ZNF892: variants seen among roughly 807,000 people sequenced by gnomAD.
ZNF892 encodes the protein zinc finger protein 570-like.
the ZNF892 span, among the ~76,000 whole-genome samples, chr2:95,258,730 G>A: frequency 8.5e-5 from 13 of 152,134 alleles, no homozygotes. Flanking sequence ...ACCTCTCCCA[G>A]GGCCCCGTCC....
chr2:95,220,006 A>AC, the ZNF892 span, among the ~76,000 whole-genome samples: 2 of 151,844 alleles, frequency 1.3e-5, no homozygotes, highest in African/African-American at 2.4e-5. Context: ...ATAAGTCCTG[A>AC]CCCCCCACTT....
chr2:95,209,537 C>T, the ZNF892 span, among the ~76,000 whole-genome samples: 16 of 152,194 alleles, frequency 1.1e-4, no homozygotes, highest in Admixed American at 9.8e-4. Context: ...GGGAGATTGG[C>T]AGACCCCTTG....
At chr2:95,216,594 T>C in the ZNF892 span, among the ~76,000 whole-genome samples, 3 of 152,226 alleles carry the variant, frequency 2.0e-5, no homozygotes, top group African/African-American at 7.2e-5. Context: ...CATTTTACTC[T>C]TGGGTAGAGG....
At chr2:95,208,289 C>A in the ZNF892 span, among the ~76,000 whole-genome samples, 1 of 152,060 alleles carries the variant, frequency 6.6e-6, no homozygotes, top group African/African-American at 2.4e-5. Context: ...AGTCAGTGTT[C>A]AAAAAGAATT....
chr2:95,230,882 C>G, the ZNF892 span, among the ~76,000 whole-genome samples: 2 of 152,198 alleles, frequency 1.3e-5, no homozygotes, highest in Non-Finnish European at 2.9e-5. Context: ...CCACTTCACC[C>G]AGTGCTGACA....
chr2:95,227,348 G>A, the ZNF892 span, among the ~76,000 whole-genome samples: 12 of 152,024 alleles, frequency 7.9e-5, no homozygotes, highest in Middle Eastern at 6.8e-3. Context: ...TTTTGAGGCA[G>A]AGTTTCACTC....
chr2:95,218,511 G>A, the ZNF892 span, among the ~76,000 whole-genome samples: 1 of 152,050 alleles, frequency 6.6e-6, no homozygotes, highest in South Asian at 2.1e-4. Flanking sequence ...CCTTGCCAGA[G>A]TGGCCTTTAA....
the ZNF892 span, among the ~76,000 whole-genome samples, chr2:95,249,609 T>A: frequency 6.6e-6 from 1 of 152,064 alleles, no homozygotes; most frequent in Non-Finnish European, 1.5e-5. Flanking sequence ...AAGTAAACAA[T>A]ATTTGAATCA....
At chr2:95,263,315 GCC>G in the ZNF892 span, among the ~76,000 whole-genome samples, 2 of 152,140 alleles carry the variant, frequency 1.3e-5, no homozygotes, top group African/African-American at 4.8e-5. Context: ...CAGAGCCCAA[GCC>G]ATCAACCCAC....
chr2:95,230,704 T>C, the ZNF892 span, among the ~76,000 whole-genome samples: 1 of 152,164 alleles, frequency 6.6e-6, no homozygotes, highest in East Asian at 1.9e-4. Context: ...CACTTTGTTC[T>C]TTCCTTGCAC....
the ZNF892 span, among the ~76,000 whole-genome samples, chr2:95,232,460 G>T: frequency 5.9e-5 from 9 of 152,318 alleles, no homozygotes; most frequent in African/African-American, 2.2e-4. Context: ...CAGGGCGCCT[G>T]GGACACTCCT....
At chr2:95,208,527 C>T in the ZNF892 span, 1 of 396,638 alleles carries the variant, frequency 2.5e-6, no homozygotes, top group African/African-American at 2.1e-5. Context: ...AGATATTATG[C>T]GATTTTCGTT....
At chr2:95,262,142 T>C in the ZNF892 span, among the ~76,000 whole-genome samples, 422 of 152,320 alleles carry the variant, frequency 2.8e-3, 1 homozygote, top group Middle Eastern at 0.031. Flanking sequence ...CTTTTACTAA[T>C]TGGGGACTAG....
chr2:95,237,360 C>A, the ZNF892 span, among the ~76,000 whole-genome samples: 1 of 152,072 alleles, frequency 6.6e-6, no homozygotes, highest in Middle Eastern at 3.2e-3. Flanking sequence ...GTTGGCCAGG[C>A]TGGTCTTGAA....
chr2:95,217,702 G>A, the ZNF892 span, among the ~76,000 whole-genome samples: 2 of 152,156 alleles, frequency 1.3e-5, no homozygotes, highest in Admixed American at 6.5e-5. Context: ...TTAGGCCTTC[G>A]TTTCGTCAGA....
At chr2:95,252,346 T>C in the ZNF892 span, among the ~76,000 whole-genome samples, 1 of 151,948 alleles carries the variant, frequency 6.6e-6, no homozygotes, top group African/African-American at 2.4e-5. Flanking sequence ...TTTGGTTTTT[T>C]GTCCTTGTGA....
chr2:95,244,998 A>G, the ZNF892 span, among the ~76,000 whole-genome samples: 1 of 152,340 alleles, frequency 6.6e-6, no homozygotes, highest in South Asian at 2.1e-4. Context: ...TAATGAGAAC[A>G]AAGAGACAAC....
chr2:95,232,606 A>C, the ZNF892 span, among the ~76,000 whole-genome samples: 1 of 152,176 alleles, frequency 6.6e-6, no homozygotes, highest in African/African-American at 2.4e-5. Context: ...CATCTAGTGT[A>C]CTTGGTGACA....
At chr2:95,214,650 T>G in the ZNF892 span, 2 of 401,068 alleles carry the variant, frequency 5.0e-6, no homozygotes, top group African/African-American at 4.1e-5. Flanking sequence ...AAAACAAAAT[T>G]CAGATATAAT....
Sources: gnomAD v4.1 joint callset for allele counts (sites outside exome capture counted in the v4.1 genomes callset) on GRCh38, gnomAD v4.1.1 for gene constraint, MANE v1.5 for transcripts, NCBI Gene and HGNC (gene_info 2026-07-23, HGNC 2026-07-21) for gene names.